Variants in COPG2 observed in about 807,000 individuals in gnomAD.
COPG2 encodes coatomer subunit gamma-2.
COPG2 carries 37 observed loss-of-function variants against 46.3 expected under a neutral mutation model. The ratio of observed to expected loss-of-function variants is 0.80; its 90% CI spans 0.61 to 1.05. The LOEUF (loss-of-function observed/expected upper bound fraction) is 1.05, where lower values mean the gene tolerates loss of function less well. Among genes scored for constraint, COPG2 ranks in the 50% least tolerant of loss-of-function variants. The pLI is 0.00. For missense variants in COPG2, 427 were observed against 387.8 expected, an observed-to-expected ratio of 1.10 and a Z score of -0.85; for synonymous variants, 159 against 129.7, an observed-to-expected ratio of 1.23 and a Z score of -1.53.
intron 9 of COPG2, 186 bp downstream of exon 9, chr7:130,610,767 A>G: frequency 1.5e-6 from 1 of 688,978 alleles, no homozygotes; most frequent in Non-Finnish European, 2.6e-6. Flanking sequence ...GTACATATAC[A>G]AGAGCATACA....
intron 20 of COPG2, chr7:130,509,140 G>A (rs1431450030): frequency 9.0e-6 from 4 of 443,940 alleles, no homozygotes; most frequent in South Asian, 3.3e-5. Context: ...GACTGATGGC[G>A]GGTCCACAGA....
At chr7:130,578,121 GTGGTTCTCCCAGCACGCAGC>G (rs1323162092) in intron 9 of COPG2, among the ~76,000 whole-genome samples, 7 of 151,886 alleles carry the variant, frequency 4.6e-5, no homozygotes, top group Non-Finnish European at 1.0e-4. Context: ...GAAGAGAGCA[GTGGTTCTCCCAGCACGCAGC>G]TGGAGATCTG....
chr7:130,542,574 T>C (rs1161393659), intron 20 of COPG2, among the ~76,000 whole-genome samples: 1 of 151,762 alleles, frequency 6.6e-6, no homozygotes, highest in Non-Finnish European at 1.5e-5. Context: ...TGGATTGACT[T>C]GGAGGTGGCA....
At chr7:130,576,653 A>G (rs1794003830) in intron 9 of COPG2, among the ~76,000 whole-genome samples, 1 of 152,230 alleles carries the variant, frequency 6.6e-6, no homozygotes, top group Non-Finnish European at 1.5e-5. Context: ...AAAAAGACTG[A>G]AAGAGCACAA....
In COPG2 at chr7:130,649,951, A is replaced by C. The variant is rs73724348; in HGVS notation, c.323+2918T>G. ...CATTTCTTTATCTTACAGTTATAAA[A>C]GTTAGAAGTCCAACACTTGTCTCAC... On this transcript the variant is annotated intron_variant, in intron 5 of 23. Coordinates refer to ENST00000425248, the MANE Select transcript of COPG2 (RefSeq NM_012133.6). Among the ~76,000 whole-genome samples, 695 of 152,338 alleles carry C rather than the reference A, an allele frequency of 4.6e-3. 3 individuals are homozygous for C. Among genetic ancestry groups the C allele is most frequent in the African/African-American group, 0.016 (671 of 41,568 alleles).
intron 9 of COPG2, among the ~76,000 whole-genome samples, chr7:130,569,740 A>T (rs1455192478): frequency 6.6e-6 from 1 of 152,094 alleles, no homozygotes; most frequent in Non-Finnish European, 1.5e-5. Context: ...CAAAACCAGG[A>T]AACGACATAA....
Position 130,567,100 on chromosome 7 carries a change from C to G in COPG2, c.738-2707G>C, listed in dbSNP as rs989503653. On this transcript the variant is annotated intron_variant, in intron 9 of 23. Coordinates refer to ENST00000425248, the MANE Select transcript of COPG2 (RefSeq NM_012133.6). ...GAGATTATGTCCATTGCAGCAACAT[C>G]GATAGAGCTGGAGGCCATTATCCTA... 2.0e-3 allele frequency among the ~76,000 whole-genome samples: 308 copies of G among 152,268 alleles called. 2 individuals carry two copies. Among genetic ancestry groups the G allele is most frequent in the African/African-American group, 6.7e-3 (279 of 41,546 alleles).
intron 9 of COPG2, among the ~76,000 whole-genome samples, chr7:130,573,520 G>A (rs1008647949): frequency 2.0e-5 from 3 of 151,832 alleles, no homozygotes; most frequent in Non-Finnish European, 4.4e-5. Flanking sequence ...TCACAGGAAC[G>A]TAAAAGTGGT....
At chr7:130,587,734 C>G (rs1021456187) in intron 9 of COPG2, among the ~76,000 whole-genome samples, 6 of 152,040 alleles carry the variant, frequency 3.9e-5, no homozygotes, top group Non-Finnish European at 7.4e-5. Flanking sequence ...TAGGCATGGG[C>G]AAGGACTTCA....
At chr7:130,595,107 C>T (rs555015262) in intron 9 of COPG2, among the ~76,000 whole-genome samples, 2 of 152,164 alleles carry the variant, frequency 1.3e-5, no homozygotes, top group African/African-American at 2.4e-5. Flanking sequence ...AAAATGAATA[C>T]GAGCCAAATG....
intron 3 of COPG2, among the ~76,000 whole-genome samples, chr7:130,663,584 A>C (rs1324806768): frequency 1.3e-5 from 2 of 152,192 alleles, no homozygotes; most frequent in East Asian, 3.8e-4. Context: ...TATGTAGCTC[A>C]ATATTGGTTC....
intron 9 of COPG2, among the ~76,000 whole-genome samples, chr7:130,592,131 C>T (rs1457447540): frequency 6.6e-6 from 1 of 152,176 alleles, no homozygotes; most frequent in Non-Finnish European, 1.5e-5. Context: ...GAAACATGTG[C>T]TGTGTCCACT....
chr7:130,651,505 T>G (rs1554459083), intron 5 of COPG2, among the ~76,000 whole-genome samples: 9 of 88,368 alleles, frequency 1.0e-4, no homozygotes, highest in South Asian at 9.5e-4. Flanking sequence ...TTTTTTTTTT[T>G]TTTTTTTTTT....
chr7:130,632,642 C>T lies in COPG2; in HGVS notation c.324-15577G>A, dbSNP rs533248370. On this transcript the variant is annotated intron_variant, in intron 5 of 23. Transcript: ENST00000425248. ...GCTGTTTATTTTTGTTTTCTTTTTT[C>T]TCTCTCTCTTTTCAGTTGGGATTTA... 4.6e-5 allele frequency among the ~76,000 whole-genome samples: 7 copies of T among 151,744 alleles called. No individual in the cohort carries two copies. The East Asian group carries it at 1.4e-3, about 29-fold the overall frequency.
chr7:130,534,304 G>A (rs1799858270), intron 20 of COPG2, among the ~76,000 whole-genome samples: 1 of 152,162 alleles, frequency 6.6e-6, no homozygotes. Flanking sequence ...GGGACTTGGT[G>A]ATGGACTCAT....
intron 4 of COPG2, among the ~76,000 whole-genome samples, chr7:130,658,247 A>T (rs1554460152): frequency 6.6e-6 from 1 of 152,212 alleles, no homozygotes; most frequent in Non-Finnish European, 1.5e-5. Flanking sequence ...ATATGGATGA[A>T]TCTCACATGC....
In COPG2 at chr7:130,550,540, G is replaced by T; in HGVS notation, c.1758C>A (p.Val586=). 1 of 390,820 alleles carries T rather than the reference G, an allele frequency of 2.6e-6. No homozygotes were observed. Among genetic ancestry groups the T allele is most frequent in the Non-Finnish European group, 4.5e-6 (1 of 221,726 alleles). 24.2% of individuals were successfully genotyped at this position (390,820 alleles called of 1,614,324 possible). Residue 586 remains valine (V), a synonymous_variant, in exon 17 of 24, where the codon GTC becomes GTA. Transcript: ENST00000425248. The stretch of plus-strand genomic sequence containing the variant: ...AGAGTGAACCTGCTTTCTGTTCAAA[G>T]ACAGGAGCCATAGCAAGAGGAATTG... ...MKSIPLAMAP[V]FEQKAEITLV... is the part of the protein sequence containing the mutation.
chr7:130,653,004 A>C, intron 4 of COPG2, 56 bp from the exon 5 acceptor site: 1 of 1,242,226 alleles, frequency 8.1e-7, no homozygotes, highest in East Asian at 2.5e-5. Flanking sequence ...GGTTTTTTAA[A>C]TTATTTGAAG....
chr7:130,642,001 CCCAG>C (rs1554457380), intron 5 of COPG2, among the ~76,000 whole-genome samples: 1 of 152,184 alleles, frequency 6.6e-6, no homozygotes, highest in East Asian at 1.9e-4. Context: ...ATGCCCACTC[CCCAG>C]AGTACTTCCT....
Sources: gnomAD v4.1 joint callset for allele counts (sites outside exome capture counted in the v4.1 genomes callset) on GRCh38, gnomAD v4.1.1 for gene constraint, MANE v1.5 for transcripts, NCBI Gene and HGNC (gene_info 2026-07-23, HGNC 2026-07-21) for gene names.